Variants in ULK4 observed in about 807,000 individuals in gnomAD.
ULK4 encodes the protein inactive serine/threonine-protein kinase ULK4.
A neutral mutation model predicts 160.6 loss-of-function variants in ULK4; 133 were observed. The observed-to-expected ratio is 0.83, with a 90% confidence interval of 0.72 to 0.96. The LOEUF (loss-of-function observed/expected upper bound fraction) is 0.96. Among genes scored for constraint, ULK4 ranks in the 40% least tolerant of loss-of-function variants. The pLI is 0.00. For synonymous variants in ULK4, 534 were observed against 539.8 expected, an observed-to-expected ratio of 0.99 and a Z score of 0.15; for missense variants, 1,580 against 1,499.5, an observed-to-expected ratio of 1.05 and a Z score of -0.89.
At chr3:41,859,487 T>C (rs2042446673) in intron 17 of ULK4, 2 of 548,708 alleles carry the variant, frequency 3.6e-6, no homozygotes, top group South Asian at 1.4e-5. Flanking sequence ...ATGGTAATGA[T>C]AACTTCCCAG....
At chr3:41,838,287 C>T (rs1369614502) in intron 17 of ULK4, among the ~76,000 whole-genome samples, 1 of 151,954 alleles carries the variant, frequency 6.6e-6, no homozygotes, top group Non-Finnish European at 1.5e-5. Context: ...CGTAGTTGAG[C>T]AAAAATTGTA....
chr3:41,563,468 C>T (rs1314981392), intron 32 of ULK4, among the ~76,000 whole-genome samples: 1 of 152,192 alleles, frequency 6.6e-6, no homozygotes, highest in Non-Finnish European at 1.5e-5. Flanking sequence ...ACCTTGGTTC[C>T]ATTCTCCCCG....
At chr3:41,656,176 A>G (rs1054716980) in intron 30 of ULK4, among the ~76,000 whole-genome samples, 9 of 152,160 alleles carry the variant, frequency 5.9e-5, no homozygotes, top group Admixed American at 4.6e-4. Context: ...ATTCATATTA[A>G]TATTTCTTCC....
At chr3:41,741,193 C>T (rs2038227305) in intron 22 of ULK4, among the ~76,000 whole-genome samples, 1 of 151,700 alleles carries the variant, frequency 6.6e-6, no homozygotes, top group Non-Finnish European at 1.5e-5. Context: ...ATTACAACAG[C>T]CTAAAAATAC....
chr3:41,301,541 G>A (rs888274030), intron 35 of ULK4, among the ~76,000 whole-genome samples: 4 of 152,152 alleles, frequency 2.6e-5, no homozygotes, highest in African/African-American at 7.2e-5. Flanking sequence ...TAAGCACTGG[G>A]TAGAAGAGTT....
chr3:41,709,810 A>T (rs1482508609), intron 25 of ULK4, among the ~76,000 whole-genome samples: 1 of 152,224 alleles, frequency 6.6e-6, no homozygotes, highest in East Asian at 1.9e-4. Context: ...TGAATAAGAA[A>T]CTCAGAGAGA....
At chr3:41,806,719 T>C (rs1025521860) in intron 19 of ULK4, among the ~76,000 whole-genome samples, 1 of 152,210 alleles carries the variant, frequency 6.6e-6, no homozygotes, top group African/African-American at 2.4e-5. Flanking sequence ...AACATCTTTA[T>C]TTTAGGCAAA....
chr3:41,588,814 T>C (rs1036624706), intron 31 of ULK4, among the ~76,000 whole-genome samples: 6 of 152,194 alleles, frequency 3.9e-5, no homozygotes, highest in African/African-American at 1.4e-4. Flanking sequence ...AGTCATATAT[T>C]TTAAGCCATG....
intron 35 of ULK4, among the ~76,000 whole-genome samples, chr3:41,263,345 T>G (rs1315521587): frequency 6.6e-6 from 1 of 152,026 alleles, no homozygotes; most frequent in Non-Finnish European, 1.5e-5. Flanking sequence ...GGCTCTGAGG[T>G]GGGAAACGGG....
intron 32 of ULK4, among the ~76,000 whole-genome samples, chr3:41,504,163 C>T (rs1321601393): frequency 6.6e-6 from 1 of 152,098 alleles, no homozygotes; most frequent in Non-Finnish European, 1.5e-5. Context: ...CACTTCTCTG[C>T]TCAAATATCA....
At chr3:41,883,838 T>G in intron 17 of ULK4, 36 bp downstream of exon 17, 27 of 1,522,422 alleles carry the variant, frequency 1.8e-5, no homozygotes, top group Non-Finnish European at 2.3e-5. Flanking sequence ...CAGTATTTCT[T>G]GACATTCATC....
intron 30 of ULK4, among the ~76,000 whole-genome samples, chr3:41,647,865 A>G (rs1017321305): frequency 2.2e-4 from 33 of 152,330 alleles, no homozygotes; most frequent in African/African-American, 5.5e-4. Context: ...TGAGCTTCCC[A>G]GCTGCTTTGT....
chr3:41,932,262 G>A (rs1699629130), intron 4 of ULK4, among the ~76,000 whole-genome samples: 1 of 152,144 alleles, frequency 6.6e-6, no homozygotes, highest in African/African-American at 2.4e-5. Flanking sequence ...GAAAACTTCA[G>A]GTTTGGGGAA....
chr3:41,447,509 A>G (rs2083327861), intron 34 of ULK4, among the ~76,000 whole-genome samples: 1 of 152,174 alleles, frequency 6.6e-6, no homozygotes, highest in Non-Finnish European at 1.5e-5. Context: ...CAAAGGCATA[A>G]AAAGTAATGG....
At chr3:41,312,394 TAAC>T (rs1429991215) in intron 35 of ULK4, among the ~76,000 whole-genome samples, 3 of 152,148 alleles carry the variant, frequency 2.0e-5, no homozygotes, top group African/African-American at 2.4e-5. Flanking sequence ...TAGAAGTCAA[TAAC>T]AACAACAAGC....
At chr3:41,280,383 T>C (rs1444714133) in intron 35 of ULK4, among the ~76,000 whole-genome samples, 2 of 151,892 alleles carry the variant, frequency 1.3e-5, no homozygotes, top group African/African-American at 4.9e-5. Flanking sequence ...ATCACACTTA[T>C]TCTAAAATTG....
At chr3:41,682,314 T>C (rs534341456) in intron 27 of ULK4, among the ~76,000 whole-genome samples, 2 of 152,336 alleles carry the variant, frequency 1.3e-5, no homozygotes, top group African/African-American at 2.4e-5. Flanking sequence ...TGTGAGTTCC[T>C]AGTTGTATCA....
At chr3:41,411,820 T>C (rs1016243042) in intron 34 of ULK4, among the ~76,000 whole-genome samples, 25 of 151,096 alleles carry the variant, frequency 1.7e-4, no homozygotes, top group African/African-American at 6.1e-4. Flanking sequence ...CCCCCGCCCC[T>C]CTTTTCGTGG....
At chr3:41,645,241 A>C (rs2034429584) in intron 30 of ULK4, among the ~76,000 whole-genome samples, 1 of 151,286 alleles carries the variant, frequency 6.6e-6, no homozygotes. Context: ...CTAGCTTTTG[A>C]ATGTGTTTGC....
Sources: gnomAD v4.1 joint callset for allele counts (sites outside exome capture counted in the v4.1 genomes callset) on GRCh38, gnomAD v4.1.1 for gene constraint, MANE v1.5 for transcripts, NCBI Gene and HGNC (gene_info 2026-07-23, HGNC 2026-07-21) for gene names.